The following KCP variants were observed in gnomAD, a reference collection of about 807,000 sequenced individuals.
KCP encodes kielin cysteine rich BMP regulator.
In KCP, 194 loss-of-function variants were observed where a neutral mutation model predicts 212.7. The ratio of observed to expected loss-of-function variants is 0.91; its 90% confidence interval spans 0.81 to 1.03. The LOEUF is 1.03. Ranked by LOEUF, KCP falls within the 50% of genes least tolerant of loss-of-function variation. The pLI is 0.00. For missense variants in KCP, 2,080 were observed against 2,162.5 expected, an observed-to-expected ratio of 0.96 and a Z score of 0.76; for synonymous variants, 833 against 865.3, an observed-to-expected ratio of 0.96 and a Z score of 0.65.
At chr7:128,903,592 C>T in intron 7 of KCP, 135 bp downstream of exon 7, 1 of 663,150 alleles carries the variant, frequency 1.5e-6, no homozygotes, top group Non-Finnish European at 2.6e-6. Flanking sequence ...GTGGCAATGG[C>T]AGAATTTGAG....
At position 128,904,104 on chromosome 7, in the gene KCP, C is replaced by G; in HGVS notation, c.606G>C (p.Gly202=). Reference sequence around the variant, plus strand: ...GGTTGGAGCTGGACAGGAAGGTGACCCCCTCCTCATAAAGCTGCCCCTCAT... The same window carrying G: ...GGTTGGAGCTGGACAGGAAGGTGACGCCCTCCTCATAAAGCTGCCCCTCAT... ...CDYEGQLYEE[G]VTFLSSSNPC... The change falls in exon 6 of 40, where the codon GGG becomes GGC. Residue 202 remains glycine (G), a synonymous_variant. Coordinates refer to ENST00000610776, the MANE Select transcript of KCP (RefSeq NM_001366122.1). 1 of 1,551,606 alleles carries G rather than the reference C, an allele frequency of 6.4e-7. No individual in the cohort carries two copies. Among genetic ancestry groups the G allele is most frequent in the Non-Finnish European group, 8.7e-7 (1 of 1,146,950 alleles).
rs1364063722 is a variant in KCP at position 128,886,982 on chromosome 7, C to G, written c.2599-16G>C. On this transcript the variant is annotated splice_polypyrimidine_tract_variant and intron_variant, in intron 23 of 39. Coordinates refer to ENST00000610776, the MANE Select transcript of KCP (RefSeq NM_001366122.1). The stretch of plus-strand genomic sequence containing the variant: ...TGGAACCTTCCTGGGGGAGAGAGGC[C>G]CATCACACCCTCAACTGGACTGCAC... The G allele has an allele frequency of 7.4e-7, 1 of 1,350,518 alleles. No homozygotes were observed. The highest frequency in any genetic ancestry group is 1.0e-6 in the Non-Finnish European group (1 of 967,910). The allele number at this position is 1,350,518 out of a possible 1,614,324, so 83.7% of individuals were successfully genotyped here.
At chr7:128,889,148 C>T in intron 21 of KCP, 109 bp from the exon 22 acceptor site, 1 of 814,942 alleles carries the variant, frequency 1.2e-6, no homozygotes, top group Non-Finnish European at 1.7e-6. Flanking sequence ...TCTCAAAGAT[C>T]TAGCGTGGGG....
chr7:128,884,969 G>C, intron 27 of KCP, 106 bp from the exon 28 acceptor site: 1 of 1,484,302 alleles, frequency 6.7e-7, no homozygotes. Flanking sequence ...CCAGGGAGTG[G>C]AGTGTGCACA....
Position 128,892,766 on chromosome 7 carries a change from G to A in KCP, c.1449C>T (p.Cys483=). 3 of 1,551,710 alleles carry A rather than the reference G, an allele frequency of 1.9e-6. No individual in the cohort carries two copies. Among genetic ancestry groups the A allele is most frequent in the South Asian group, 1.2e-5 (1 of 84,068 alleles). The change falls in exon 15 of 40, where the codon TGC becomes TGT. Residue 483 remains cysteine (C), a synonymous_variant. Transcript: ENST00000610776. Reference sequence around the variant, plus strand: ...TGGCATACACTTGGCTGTGGTAGGTGCAGCTGTCACAGCTGGGGCAGCAGG... The same window carrying A: ...TGGCATACACTTGGCTGTGGTAGGTACAGCTGTCACAGCTGGGGCAGCAGG... ...PGACCPSCDS[C]TYHSQVYANG...
intron 5 of KCP, 190 bp from the exon 6 acceptor site, chr7:128,904,328 T>G: frequency 6.4e-7 from 1 of 1,551,900 alleles, no homozygotes; most frequent in Non-Finnish European, 8.7e-7. Flanking sequence ...GGTGCAGCTC[T>G]CCAAGCAGTT....
Position 128,877,729 on chromosome 7 carries a change from C to T in KCP, c.4373G>A (p.Arg1458Gln), listed in dbSNP as rs867308081. Reference protein sequence around the residue: ...CSAGREVDPCRAAGYRARREA... With the variant: ...CSAGREVDPCQAAGYRARREA... ...ACGCCTGGCACGGTAACCTGCTGCC[C>T]GGCACGGATCCACCTCTCGGCCTGC... Residue 1458 changes from arginine to glutamine, a missense_variant, in exon 39 of 40, where the codon CGG becomes CAG. By Grantham distance (43) the Arg-to-Gln change is conservative. Coordinates refer to ENST00000610776, the MANE Select transcript of KCP (RefSeq NM_001366122.1). The T allele has an allele frequency of 2.3e-5, 35 of 1,550,862 alleles. No individual in the cohort carries two copies. The highest frequency in any genetic ancestry group is 1.7e-4 in the Middle Eastern group (1 of 6,012).
intron 8 of KCP, 71 bp downstream of exon 8, chr7:128,902,706 G>T: frequency 7.3e-7 from 1 of 1,370,332 alleles, no homozygotes; most frequent in Non-Finnish European, 1.0e-6. Flanking sequence ...GTACTCCATA[G>T]AATGAGCAAA....
chr7:128,908,924 C>CA (rs1052165077), intron 1 of KCP, among the ~76,000 whole-genome samples: 1 of 152,056 alleles, frequency 6.6e-6, no homozygotes, highest in Non-Finnish European at 1.5e-5. Flanking sequence ...ACCCTGAGCA[C>CA]GGTTTTCCAG....
In KCP at chr7:128,894,000, G is replaced by T; in HGVS notation, c.981C>A (p.Asp327Glu). The change falls in exon 10 of 40, where the codon GAC becomes GAA. Residue 327 changes from aspartate to glutamate, a missense_variant. Transcript: ENST00000610776. ...HRSGEPVGSG[D>E]PCSHCRCANG... The stretch of plus-strand genomic sequence containing the variant: ...CAGCACAGCGGCAGTGCGAGCAGGG[G>T]TCCCCTGAGCCCACAGGCTCCCCGC... 1 of 1,550,220 alleles carries T rather than the reference G, an allele frequency of 6.5e-7. No individual in the cohort carries two copies. The highest frequency in any genetic ancestry group is 1.2e-5 in the South Asian group (1 of 84,014).
intron 28 of KCP, 150 bp from the exon 29 acceptor site, chr7:128,884,272 G>T: frequency 1.0e-6 from 1 of 985,968 alleles, no homozygotes; most frequent in Non-Finnish European, 1.4e-6. Context: ...GAGACTCAGT[G>T]TCTTCTAGAC....
intron 8 of KCP, among the ~76,000 whole-genome samples, chr7:128,902,496 C>A (rs1417034585): frequency 1.3e-5 from 2 of 152,168 alleles, no homozygotes; most frequent in Non-Finnish European, 2.9e-5. Context: ...TACTCTGGAG[C>A]TTTTGCCGCT....
chr7:128,905,007 A>G (rs6974779), intron 5 of KCP, among the ~76,000 whole-genome samples: 38,632 of 151,302 alleles, frequency 0.26, 6,345 homozygotes, highest in East Asian at 0.52. Flanking sequence ...GTGTTGGGGG[A>G]GCGGGGGTCA....
intron 22 of KCP, 107 bp from the exon 23 acceptor site, chr7:128,887,407 A>C (rs1046268361): frequency 3.4e-5 from 28 of 822,634 alleles, no homozygotes; most frequent in Middle Eastern, 3.4e-4. Context: ...ACAGCCACAG[A>C]CACACACATA....
chr7:128,890,488 A>T lies in KCP; in HGVS notation c.2190T>A (p.Phe730Leu), dbSNP rs1163915243. Residue 730 changes from phenylalanine to leucine, a missense_variant, in exon 21 of 40, where the codon TTT becomes TTA. By Grantham distance (22) the Phe-to-Leu change is conservative. Coordinates refer to ENST00000610776, the MANE Select transcript of KCP (RefSeq NM_001366122.1). ...CDGCLYQGKEFASGERFPSPT... is the reference protein window; with the variant it reads ...CDGCLYQGKELASGERFPSPT... ...GCGATGGGAAGCGCTCCCCGCTGGCAAACTCCTTCCCCTGGTACAGGCAGC... is the reference window on the plus strand; with the variant it reads ...GCGATGGGAAGCGCTCCCCGCTGGCTAACTCCTTCCCCTGGTACAGGCAGC... 3.2e-6 allele frequency: 5 copies of T among 1,550,026 alleles called. No individual in the cohort carries two copies. Among genetic ancestry groups the T allele is most frequent in the Admixed American group, 2.0e-5 (1 of 50,992 alleles).
intron 4 of KCP, among the ~76,000 whole-genome samples, chr7:128,906,862 A>T (rs539918522): frequency 6.6e-6 from 1 of 152,224 alleles, no homozygotes; most frequent in East Asian, 1.9e-4. Flanking sequence ...AACCTAATAC[A>T]TTCTCTGCCC....
intron 15 of KCP, 34 bp downstream of exon 15, chr7:128,892,654 G>A: frequency 6.5e-7 from 1 of 1,549,384 alleles, no homozygotes; most frequent in Non-Finnish European, 8.7e-7. Context: ...CCCAGGAGGG[G>A]CTCAGCAGGG....
At chr7:128,888,289 CAG>C (rs1390101701) in intron 22 of KCP, among the ~76,000 whole-genome samples, 1 of 140,890 alleles carries the variant, frequency 7.1e-6, no homozygotes, top group Admixed American at 7.0e-5. Context: ...GTCACACACA[CAG>C]AGCAACACAC....
At chr7:128,901,408 C>A (rs1202451275) in intron 8 of KCP, among the ~76,000 whole-genome samples, 1 of 152,162 alleles carries the variant, frequency 6.6e-6, no homozygotes, top group Non-Finnish European at 1.5e-5. Flanking sequence ...GGGCGGATCA[C>A]GAGGTCAGGA....
Sources: allele counts gnomAD v4.1 joint callset (sites outside exome capture counted in the v4.1 genomes callset), GRCh38; gene constraint gnomAD v4.1.1; transcripts MANE v1.5; gene names NCBI Gene and HGNC (gene_info 2026-07-23, HGNC 2026-07-21).